The following CACNB2 variants were observed in gnomAD, a reference collection of about 807,000 sequenced individuals.
CACNB2 encodes voltage-dependent L-type calcium channel subunit beta-2.
A neutral mutation model predicts 73.3 loss-of-function variants in CACNB2; 42 were observed. That is an observed-to-expected ratio of 0.57 (90% CI 0.45 to 0.74). The LOEUF is 0.74. Among genes scored for constraint, CACNB2 ranks in the 30% least tolerant of loss-of-function variants. CACNB2 has a pLI of 0.00. For synonymous variants in CACNB2, 348 were observed against 310.3 expected, an observed-to-expected ratio of 1.12 and a Z score of -1.28; for missense variants, 940 against 853.0, an observed-to-expected ratio of 1.10 and a Z score of -1.27.
chr10:18,487,708 G>T (rs962140783), intron 3 of CACNB2, among the ~76,000 whole-genome samples: 7 of 151,970 alleles, frequency 4.6e-5, no homozygotes, highest in Non-Finnish European at 7.4e-5. Flanking sequence ...GTTGGCGGGC[G>T]CCTATAGTCC....
At chr10:18,314,347 T>A (rs1302659605) in intron 2 of CACNB2, among the ~76,000 whole-genome samples, 3 of 152,214 alleles carry the variant, frequency 2.0e-5, no homozygotes, top group Admixed American at 6.5e-5. Flanking sequence ...ATTGTTCATT[T>A]TGGATAAGGA....
intron 3 of CACNB2, among the ~76,000 whole-genome samples, chr10:18,429,653 T>C (rs1589326190): frequency 1.5e-5 from 2 of 133,402 alleles, no homozygotes; most frequent in African/African-American, 3.0e-5. Context: ...ATAGCAAGAC[T>C]CCGTCTCTAC....
intron 2 of CACNB2, among the ~76,000 whole-genome samples, chr10:18,180,571 T>A (rs2033821924): frequency 6.6e-6 from 1 of 151,886 alleles, no homozygotes; most frequent in Non-Finnish European, 1.5e-5. Flanking sequence ...GAAAATTGTA[T>A]CCCTCCCTCA....
chr10:18,331,548 A>AT (rs2040808673), intron 2 of CACNB2, among the ~76,000 whole-genome samples: 1 of 151,874 alleles, frequency 6.6e-6, no homozygotes, highest in Non-Finnish European at 1.5e-5. Flanking sequence ...CCTAGAGATT[A>AT]TAACTGTTAC....
chr10:18,254,802 G>T (rs1049399436), intron 2 of CACNB2, among the ~76,000 whole-genome samples: 1 of 152,164 alleles, frequency 6.6e-6, no homozygotes, highest in Non-Finnish European at 1.5e-5. Flanking sequence ...TGAAAACAAA[G>T]GTTTATCACA....
rs148845743 is a variant in CACNB2, at chr10:18,241,812, G to T, written c.213+90837G>T. Among the ~76,000 whole-genome samples the T allele has an allele frequency of 2.4e-3, 359 of 152,054 alleles. 2 individuals carry two copies. The highest frequency in any genetic ancestry group is 8.5e-3 in the African/African-American group (351 of 41,494). On this transcript the variant is annotated intron_variant, in intron 2 of 13. Transcript: ENST00000324631. The stretch of plus-strand genomic sequence containing the variant: ...CTTTATAGTCTGCTGAAAAGCCAGA[G>T]AAATGACTTCTGGAATATTTGTACA...
At chr10:18,402,345 T>C (rs766581202) in intron 3 of CACNB2, among the ~76,000 whole-genome samples, 83 of 147,284 alleles carry the variant, frequency 5.6e-4, no homozygotes, top group Admixed American at 5.6e-3. Context: ...GCACCTAATA[T>C]CAACATGTTT....
chr10:18,448,479 TAAAAAA>T lies in CACNB2; in HGVS notation c.333+46453_333+46458del, dbSNP rs56255761. The stretch of plus-strand genomic sequence containing the variant: ...GACAAGAGCAAAACTCTCTCTCATT[TAAAAAA>T]AAAAAAAAAAAAAAAAGAAAAGAAA... On this transcript the variant is annotated intron_variant, in intron 3 of 13. Transcript: ENST00000324631. 4.9e-3 allele frequency among the ~76,000 whole-genome samples: 523 copies of T among 107,076 alleles called. 3 individuals carry two copies. The highest frequency in any genetic ancestry group is 0.021 in the South Asian group (57 of 2,658). 70.2% of individuals were successfully genotyped at this position (107,076 alleles called of 152,430 possible). A position where few individuals can be genotyped will look rare whatever the true frequency, so the allele number is the denominator to read the frequency against.
intron 2 of CACNB2, among the ~76,000 whole-genome samples, chr10:18,311,789 T>A (rs1325555172): frequency 2.0e-5 from 3 of 152,176 alleles, no homozygotes; most frequent in African/African-American, 7.2e-5. Context: ...TTCAAATCTG[T>A]GTTGTTCAAG....
intron 2 of CACNB2, among the ~76,000 whole-genome samples, chr10:18,383,619 C>A (rs186746921): frequency 6.6e-4 from 100 of 152,216 alleles, no homozygotes; most frequent in African/African-American, 2.2e-3. Context: ...AGGGGTAAAC[C>A]ATAAATAAAT....
At chr10:18,359,658 G>T (rs1349732434) in intron 2 of CACNB2, among the ~76,000 whole-genome samples, 4 of 151,664 alleles carry the variant, frequency 2.6e-5, no homozygotes, top group Non-Finnish European at 5.9e-5. Flanking sequence ...GAACATGCAG[G>T]TTTGTTGCAT....
chr10:18,348,479 GGACAGACA>G lies in CACNB2; in HGVS notation c.214-53434_214-53427del, dbSNP rs370595547. On this transcript the variant is annotated intron_variant, in intron 2 of 13. Coordinates refer to ENST00000324631, the MANE Select transcript of CACNB2 (RefSeq NM_201596.3). ...TGGACGGACGGATGGACAGATGGATGGACAGACAGACAGACAGATAGATGGATGGATAG... is the reference window on the plus strand; with the variant it reads ...TGGACGGACGGATGGACAGATGGATGGACAGACAGATAGATGGATGGATAG... Among the ~76,000 whole-genome samples the G allele has an allele frequency of 8.8e-3, 1,344 of 152,180 alleles. 27 individuals carry two copies. The highest frequency in any genetic ancestry group is 0.028 in the African/African-American group (1,161 of 41,482).
chr10:18,497,858 A>G (rs561542241), intron 3 of CACNB2, among the ~76,000 whole-genome samples: 1 of 152,238 alleles, frequency 6.6e-6, no homozygotes, highest in Admixed American at 6.5e-5. Context: ...GCAGCCATGA[A>G]TGAGAGTTGC....
rs549078825 is a variant in CACNB2, at chr10:18,499,531, C to G, written c.456+1054C>G. The stretch of plus-strand genomic sequence containing the variant: ...TCGAGAGGCTGAGGCAGAAGAATAG[C>G]TTGAACCAGCGAGTCGGAGGTTGCA... On this transcript the variant is annotated intron_variant, in intron 4 of 13. Coordinates refer to ENST00000324631, the MANE Select transcript of CACNB2 (RefSeq NM_201596.3). 4.7e-5 allele frequency among the ~76,000 whole-genome samples: 7 copies of G among 149,074 alleles called. No individual in the cohort carries two copies. In the South Asian group the frequency reaches 1.3e-3, roughly 27 times the overall value.
chr10:18,286,706 AGATTGT>A (rs751275745), intron 2 of CACNB2, among the ~76,000 whole-genome samples: 25 of 152,144 alleles, frequency 1.6e-4, no homozygotes, highest in Non-Finnish European at 2.5e-4. Flanking sequence ...GATGGACTTA[AGATTGT>A]GATTGTGATA....
At chr10:18,365,096 G>A (rs1037068085) in intron 2 of CACNB2, among the ~76,000 whole-genome samples, 4 of 152,148 alleles carry the variant, frequency 2.6e-5, no homozygotes, top group Non-Finnish European at 5.9e-5. Flanking sequence ...CACTTGTCTT[G>A]GACCTCAGAG....
chr10:18,379,404 T>C (rs1249133380), intron 2 of CACNB2, among the ~76,000 whole-genome samples: 1 of 151,990 alleles, frequency 6.6e-6, no homozygotes, highest in Non-Finnish European at 1.5e-5. Context: ...GGTAGAGACA[T>C]GGTTTTACCA....
At chr10:18,391,439 C>A (rs2043464289) in intron 2 of CACNB2, among the ~76,000 whole-genome samples, 2 of 152,066 alleles carry the variant, frequency 1.3e-5, no homozygotes, top group African/African-American at 2.4e-5. Flanking sequence ...AAGAGGTTTT[C>A]TCTCTTTCAG....
chr10:18,441,123 G>A (rs533221197), intron 3 of CACNB2, among the ~76,000 whole-genome samples: 9 of 152,290 alleles, frequency 5.9e-5, no homozygotes, highest in Middle Eastern at 6.8e-3. Flanking sequence ...ATAACCATCC[G>A]GCTGGGTGTG....
Sources: allele counts gnomAD v4.1 joint callset (sites outside exome capture counted in the v4.1 genomes callset), GRCh38; gene constraint gnomAD v4.1.1; transcripts MANE v1.5; gene names NCBI Gene and HGNC (gene_info 2026-07-23, HGNC 2026-07-21).